The following ZFHX4 variants were observed in gnomAD, a reference collection of about 807,000 sequenced individuals.
ZFHX4 encodes the protein zinc finger homeobox protein 4.
In ZFHX4, 56 loss-of-function variants were observed where a neutral mutation model predicts 267.6. The ratio of observed to expected loss-of-function variants is 0.21; its 90% confidence interval spans 0.17 to 0.26. The LOEUF is 0.26. ZFHX4 is among the 10% of genes least tolerant of loss of function. The pLI, the probability that ZFHX4 is intolerant of heterozygous loss-of-function variation, is 1.00. For synonymous variants in ZFHX4, 1,778 were observed against 1,665.6 expected (o/e 1.07, Z -1.64); for missense variants, 4,332 against 4,420.0 (o/e 0.98, Z 0.56).
In ZFHX4 at chr8:76,704,479, A is replaced by G. The variant is rs947271133; in HGVS notation, c.391A>G (p.Ile131Val). 5.6e-6 allele frequency: 9 copies of G among 1,613,816 alleles called. No homozygotes were observed. Among genetic ancestry groups the G allele is most frequent in the African/African-American group, 1.3e-5 (1 of 74,892 alleles). ...TGACGTGGAAAATCTAACAGGGGAG[A>G]TCGTTTACCAGCCTGATGGGTCAGC... ...DSDVENLTGE[I>V]VYQPDGSAYI... Residue 131 changes from isoleucine to valine, a missense_variant, in exon 2 of 11, where the codon ATC (isoleucine) becomes GTC (valine). By Grantham distance (29) the Ile-to-Val change is conservative. Coordinates refer to ENST00000651372, the MANE Select transcript of ZFHX4 (RefSeq NM_024721.5).
At chr8:76,710,559 G>T (rs1048961985) in intron 3 of ZFHX4, among the ~76,000 whole-genome samples, 1 of 152,192 alleles carries the variant, frequency 6.6e-6, no homozygotes, top group African/African-American at 2.4e-5. Flanking sequence ...TGGCTAGACA[G>T]TAATCTCCTC....
At chr8:76,807,169 T>C (rs1166025516) in intron 4 of ZFHX4, among the ~76,000 whole-genome samples, 4 of 152,050 alleles carry the variant, frequency 2.6e-5, no homozygotes, top group African/African-American at 9.7e-5. Context: ...GGGTTTCTTT[T>C]ATCTGAACAT....
At chr8:76,713,355 T>C (rs957013066) in intron 3 of ZFHX4, among the ~76,000 whole-genome samples, 5 of 152,086 alleles carry the variant, frequency 3.3e-5, no homozygotes, top group African/African-American at 7.2e-5. Context: ...CCTAGGAAGA[T>C]TGACTAAGAC....
At chr8:76,755,406 G>T (rs1353239231) in intron 3 of ZFHX4, among the ~76,000 whole-genome samples, 1 of 152,040 alleles carries the variant, frequency 6.6e-6, no homozygotes, top group Non-Finnish European at 1.5e-5. Context: ...CTTTTCTTGA[G>T]AAATGCATAT....
At chr8:76,804,319 A>T (rs1811193297) in intron 4 of ZFHX4, among the ~76,000 whole-genome samples, 1 of 152,146 alleles carries the variant, frequency 6.6e-6, no homozygotes, top group Non-Finnish European at 1.5e-5. Flanking sequence ...TAATTTAAAA[A>T]CTATATAAGA....
intron 3 of ZFHX4, among the ~76,000 whole-genome samples, chr8:76,718,160 G>A (rs1201404240): frequency 2.0e-5 from 3 of 152,182 alleles, no homozygotes; most frequent in Non-Finnish European, 1.5e-5. Context: ...ATCAGAGATG[G>A]AGAAGGAGGA....
Position 76,752,932 on chromosome 8 carries a change from T to G in ZFHX4, c.3094-25276T>G, listed in dbSNP as rs371398360. 2.2e-3 allele frequency among the ~76,000 whole-genome samples: 335 copies of G among 152,306 alleles called. 1 individual carries two copies. Among genetic ancestry groups the G allele is most frequent in the African/African-American group, 7.6e-3 (318 of 41,570 alleles). ...TGACATAGCTGATCTACCACCATAG[T>G]GTGCCACTTGAAAAGGTTCTGGGTT... On this transcript the variant is annotated intron_variant, in intron 3 of 10. Transcript: ENST00000651372.
intron 4 of ZFHX4, among the ~76,000 whole-genome samples, chr8:76,795,737 T>C (rs1371901670): frequency 6.6e-6 from 1 of 151,902 alleles, no homozygotes; most frequent in Non-Finnish European, 1.5e-5. Context: ...ACGGGGTTTC[T>C]CCATGTTGAG....
intron 6 of ZFHX4, among the ~76,000 whole-genome samples, chr8:76,843,025 C>T (rs909318536): frequency 3.9e-5 from 6 of 152,146 alleles, no homozygotes; most frequent in East Asian, 1.9e-4. Flanking sequence ...TATTACAGGA[C>T]GACCAGTGAG....
At chr8:76,822,970 T>A (rs1367416345) in intron 4 of ZFHX4, among the ~76,000 whole-genome samples, 1 of 152,182 alleles carries the variant, frequency 6.6e-6, no homozygotes, top group Non-Finnish European at 1.5e-5. Flanking sequence ...ACCTCTCTAC[T>A]CAAATTCATG....
chr8:76,783,598 G>A (rs1023490172), intron 4 of ZFHX4, among the ~76,000 whole-genome samples: 7 of 151,906 alleles, frequency 4.6e-5, no homozygotes, highest in African/African-American at 1.7e-4. Context: ...TATAAAATAT[G>A]TGTGCACCTC....
Position 76,863,984 on chromosome 8 carries a change from T to C in ZFHX4, c.10270T>C (p.Ser3424Pro). ...AGACGCCGCAGTAAATCATCAAAAG[T>C]CCTTCTGTTATTTCGGTCAGCCTTT... ...DEDAAVNHQK[S>P]FCYFGQPLID... Residue 3424 changes from serine (S) to proline (P), a missense_variant, in exon 11 of 11, where the codon TCC (serine) becomes CCC (proline). Around this residue, in one of 7 missense-constraint regions of ZFHX4, gnomAD observed 1,648 missense variants for 1,625.0 expected, o/e 1.01. Coordinates refer to ENST00000651372, the MANE Select transcript of ZFHX4 (RefSeq NM_024721.5). 6.2e-7 allele frequency: 1 copy of C among 1,613,472 alleles called. No individual in the cohort carries two copies. Among genetic ancestry groups the C allele is most frequent in the Non-Finnish European group, 8.5e-7 (1 of 1,179,682 alleles).
chr8:76,767,325 TG>T (rs1810077937), intron 3 of ZFHX4, among the ~76,000 whole-genome samples: 1 of 152,176 alleles, frequency 6.6e-6, no homozygotes, highest in South Asian at 2.1e-4. Flanking sequence ...CTTGTGTTAA[TG>T]ATGTGTAAAC....
rs779285930 is a variant in ZFHX4, at chr8:76,705,812, G to A, written c.1724G>A (p.Ser575Asn). ...GACAGTGCCACAGCTGCTCATCCAA[G>A]TGAAATAGCCCGGGGAGACGAAGAC... ...SKDSATAAHP[S>N]EIARGDEDSS... The change falls in exon 2 of 11, where the codon AGT becomes AAT. Residue 575 changes from serine to asparagine, a missense_variant. By Grantham distance (46) the Ser-to-Asn change is conservative. Transcript: ENST00000651372. The A allele has an allele frequency of 2.5e-6, 4 of 1,613,858 alleles. No homozygotes were observed. The highest frequency in any genetic ancestry group is 3.4e-6 in the Non-Finnish European group (4 of 1,179,912).
At position 76,864,785 on chromosome 8, in the gene ZFHX4, A is replaced by C; in HGVS notation, c.*220A>C. 1 of 334,350 alleles carries C rather than the reference A, an allele frequency of 3.0e-6. No individual in the cohort carries two copies. The highest frequency in any genetic ancestry group is 5.4e-6 in the Non-Finnish European group (1 of 185,028). The allele number at this position is 334,350 out of a possible 1,614,324, so 20.7% of individuals were successfully genotyped here. On this transcript the variant is annotated 3_prime_UTR_variant, in exon 11 of 11. Coordinates refer to ENST00000651372, the MANE Select transcript of ZFHX4 (RefSeq NM_024721.5). ...TTGAATGCGCTTGTACTATATGCTA[A>C]AATATGGAAAAGGAAAAAAAAATCT...
intron 3 of ZFHX4, among the ~76,000 whole-genome samples, chr8:76,761,082 C>G (rs955468144): frequency 2.0e-5 from 3 of 152,096 alleles, no homozygotes; most frequent in Non-Finnish European, 4.4e-5. Flanking sequence ...TGTCCTGTAT[C>G]CCAATTTCAG....
rs574438175 is a variant in ZFHX4, at chr8:76,794,564, G to A, written c.3325+16125G>A. ...AACAGTACTAGAATCAGAACAATGC[G>A]CTGCCACTTCTCTATATACTCTACA... On this transcript the variant is annotated intron_variant, in intron 4 of 10. Coordinates refer to ENST00000651372, the MANE Select transcript of ZFHX4 (RefSeq NM_024721.5). Among the ~76,000 whole-genome samples the A allele has an allele frequency of 2.0e-4, 31 of 152,162 alleles. No individual in the cohort carries two copies. In the South Asian group the frequency reaches 2.3e-3, roughly 11 times the overall value.
chr8:76,716,500 G>A (rs1309175863), intron 3 of ZFHX4, among the ~76,000 whole-genome samples: 2 of 152,102 alleles, frequency 1.3e-5, no homozygotes, highest in African/African-American at 2.4e-5. Flanking sequence ...GTAAGAGGCT[G>A]GGCTGGAATT....
At position 76,863,363 on chromosome 8, in the gene ZFHX4, A is replaced by G. The variant is rs756003064; in HGVS notation, c.9649A>G (p.Lys3217Glu). 4 of 1,613,906 alleles carry G rather than the reference A, an allele frequency of 2.5e-6. No individual in the cohort carries two copies. The East Asian group carries it at 8.9e-5, about 36-fold the overall frequency. ...GGCCACCAAACCCGAAAAACACCCC[A>G]AAAAAGAGGAAAAAATCTCATCTGC... ...LEATKPEKHP[K>E]KEEKISSALS... Residue 3217 changes from lysine (K) to glutamate (E), a missense_variant, in exon 11 of 11, where the codon AAA (lysine) becomes GAA (glutamate). By Grantham distance (56) the Lys-to-Glu change is moderately conservative. Coordinates refer to ENST00000651372, the MANE Select transcript of ZFHX4 (RefSeq NM_024721.5).
Sources: gnomAD v4.1 joint callset for allele counts (sites outside exome capture counted in the v4.1 genomes callset) on GRCh38, gnomAD v4.1.1 for gene constraint, gnomAD v4.1.1 regional missense constraint, MANE v1.5 for transcripts, NCBI Gene and HGNC (gene_info 2026-07-23, HGNC 2026-07-21) for gene names.